The following DNAH5 variants were observed in gnomAD, a reference collection of about 807,000 sequenced individuals.
The protein encoded by DNAH5 is dynein axonemal heavy chain 5, also known as axonemal beta dynein heavy chain 5.
In DNAH5, 372 loss-of-function variants were observed where a neutral mutation model predicts 518.2. That is an observed-to-expected ratio of 0.72 (90% CI 0.66 to 0.78). DNAH5 has a LOEUF of 0.78. DNAH5 is among the 30% of genes least tolerant of loss of function. The pLI is 0.00. For missense variants in DNAH5, 5,523 were observed against 5,687.0 expected (o/e 0.97, Z 0.93); for synonymous variants, 2,039 against 2,025.9 (o/e 1.01, Z -0.17).
Position 13,824,180 on chromosome 5 carries a change from T to C in DNAH5, c.6579+19A>G. The C allele has an allele frequency of 6.2e-7, 1 of 1,613,508 alleles. No individual in the cohort carries two copies. Among genetic ancestry groups the C allele is most frequent in the South Asian group, 1.1e-5 (1 of 91,074 alleles). ...ACTGATATCCAAGTAGGTGGAACAC[T>C]TCCATCTGTGAGTCTTACCAGTTTA... On this transcript the variant is annotated intron_variant, in intron 39 of 78. Transcript: ENST00000265104.
Position 13,917,629 on chromosome 5 carries a change from C to T in DNAH5, c.976-373G>A, listed in dbSNP as rs189276248. Among the ~76,000 whole-genome samples, 93 of 152,300 alleles carry T rather than the reference C, an allele frequency of 6.1e-4. 1 individual carries two copies. Among genetic ancestry groups the T allele is most frequent in the Middle Eastern group, 3.4e-3 (1 of 294 alleles). On this transcript the variant is annotated intron_variant, in intron 7 of 78. Coordinates refer to ENST00000265104, the MANE Select transcript of DNAH5 (RefSeq NM_001369.3). The stretch of plus-strand genomic sequence containing the variant: ...TCTAACCTGAACTCCCTTCCTATAT[C>T]CCTATACATTTATCCATTAATGTAG...
rs1412887466 is a variant in DNAH5 at position 13,858,405 on chromosome 5, C to T, written c.4950+1047G>A. ...GGCACAGGGAGGGGAACATCACACA[C>T]TGGGGCCTGTCAGGGGGTGTGGGGC... On this transcript the variant is annotated intron_variant, in intron 30 of 78. Transcript: ENST00000265104. 2.0e-5 allele frequency among the ~76,000 whole-genome samples: 3 copies of T among 152,044 alleles called. No individual in the cohort carries two copies. The South Asian group carries it at 6.2e-4, about 32-fold the overall frequency.
intron 1 of DNAH5, among the ~76,000 whole-genome samples, chr5:13,989,752 G>A (rs1783378922): frequency 1.3e-5 from 2 of 152,184 alleles, no homozygotes; most frequent in African/African-American, 2.4e-5. Flanking sequence ...CAAAGTGCTC[G>A]GATTACAGTC....
At chr5:13,769,361 A>G (rs1180431094) in intron 57 of DNAH5, 140 bp downstream of exon 57, 1 of 918,308 alleles carries the variant, frequency 1.1e-6, no homozygotes, top group Non-Finnish European at 1.8e-6. Context: ...AGTTTTTTAT[A>G]CATAAAATTA....
At chr5:13,902,688 G>A (rs1227190299) in intron 12 of DNAH5, among the ~76,000 whole-genome samples, 1 of 152,194 alleles carries the variant, frequency 6.6e-6, no homozygotes, top group African/African-American at 2.4e-5. Context: ...GCACTGTCTG[G>A]CTCTTGGACA....
intron 1 of DNAH5, among the ~76,000 whole-genome samples, chr5:13,971,599 T>A (rs1031979186): frequency 1.3e-5 from 2 of 151,964 alleles, no homozygotes; most frequent in African/African-American, 4.8e-5. Context: ...TACTGGGGAG[T>A]GTCTGCAAAG....
intron 74 of DNAH5, 135 bp from the exon 75 acceptor site, chr5:13,714,755 CAAT>C (rs1744065103): frequency 1.2e-6 from 1 of 840,900 alleles, no homozygotes; most frequent in African/African-American, 1.7e-5. Flanking sequence ...GCTACAAACT[CAAT>C]AATTTCTCCA....
rs200963050 is a variant in DNAH5, at chr5:13,793,552, G to A, written c.8187C>T (p.Cys2729=). 8.1e-6 allele frequency: 13 copies of A among 1,614,048 alleles called. No homozygotes were observed. In the Admixed American group the frequency reaches 1.0e-4, roughly 12 times the overall value. The change falls in exon 49 of 79, where the codon TGC becomes TGT. Residue 2729 remains cysteine (C), a synonymous_variant. Coordinates refer to ENST00000265104, the MANE Select transcript of DNAH5 (RefSeq NM_001369.3). ...CCACAGAAGCTTCAGAGGGCAACGT[G>A]CAATTAAATATAGAGAACTGCCTCT... ...RLKRQFSIFN[C]TLPSEASVDK...
chr5:13,961,771 C>T (rs1453149312), intron 1 of DNAH5, among the ~76,000 whole-genome samples: 1 of 152,184 alleles, frequency 6.6e-6, no homozygotes, highest in African/African-American at 2.4e-5. Context: ...CTCCCCCATT[C>T]CTCCTACTAA....
At chr5:13,811,331 C>T (rs1393121602) in intron 44 of DNAH5, among the ~76,000 whole-genome samples, 1 of 152,114 alleles carries the variant, frequency 6.6e-6, no homozygotes, top group African/African-American at 2.4e-5. Flanking sequence ...ACTATGTACC[C>T]ACAAAAATTA....
chr5:13,713,981 T>C (rs1245061628), intron 75 of DNAH5, among the ~76,000 whole-genome samples: 1 of 152,236 alleles, frequency 6.6e-6, no homozygotes, highest in Non-Finnish European at 1.5e-5. Context: ...GAGGTAATGA[T>C]ATAAATGTAG....
intron 31 of DNAH5, among the ~76,000 whole-genome samples, chr5:13,849,762 C>T (rs774981681): frequency 2.6e-5 from 4 of 152,142 alleles, no homozygotes; most frequent in Non-Finnish European, 5.9e-5. Flanking sequence ...ACATTGCTTA[C>T]AAGTACCCTC....
At position 13,809,147 on chromosome 5, in the gene DNAH5, A is replaced by T. The variant is rs371695477; in HGVS notation, c.7649T>A (p.Leu2550Gln). ...CTCTGGGGTGGTATCAGACGGATACAGGTATTCCTGGGTACGCGTGTTCCA... is the reference window on the plus strand; with the variant it reads ...CTCTGGGGTGGTATCAGACGGATACTGGTATTCCTGGGTACGCGTGTTCCA... ...THWNTRTQEYLYPSDTTPEYG... is the reference protein window; with the variant it reads ...THWNTRTQEYQYPSDTTPEYG... Residue 2550 changes from leucine to glutamine, a missense_variant, in exon 46 of 79, where the codon CTG becomes CAG. Physicochemically the swap from Leu to Gln is moderately radical, Grantham distance 113. Coordinates refer to ENST00000265104, the MANE Select transcript of DNAH5 (RefSeq NM_001369.3). The T allele has an allele frequency of 6.8e-6, 11 of 1,614,092 alleles. No individual in the cohort carries two copies. The African/African-American group carries it at 1.1e-4, about 16-fold the overall frequency.
chr5:13,835,773 G>A (rs1439879154), intron 35 of DNAH5, among the ~76,000 whole-genome samples: 3 of 152,002 alleles, frequency 2.0e-5, no homozygotes. Context: ...CTCTGTCTCT[G>A]TACTGGGGAG....
intron 1 of DNAH5, among the ~76,000 whole-genome samples, chr5:13,938,931 C>T (rs565056441): frequency 3.6e-4 from 55 of 152,164 alleles, no homozygotes; most frequent in Non-Finnish European, 7.2e-4. Context: ...AATTATTCAA[C>T]GTGTATGCCT....
At chr5:13,705,627 T>C (rs1202422152) in intron 76 of DNAH5, among the ~76,000 whole-genome samples, 1 of 152,196 alleles carries the variant, frequency 6.6e-6, no homozygotes, top group African/African-American at 2.4e-5. Context: ...CTCAAAACCA[T>C]ACATTGAAGT....
intron 65 of DNAH5, among the ~76,000 whole-genome samples, chr5:13,745,403 C>T (rs1013238684): frequency 1.3e-5 from 2 of 152,062 alleles, no homozygotes; most frequent in Non-Finnish European, 2.9e-5. Context: ...TGTTTTGAAG[C>T]ACACAGAAAG....
At chr5:13,989,126 A>C (rs1451495337) in intron 1 of DNAH5, among the ~76,000 whole-genome samples, 3 of 152,142 alleles carry the variant, frequency 2.0e-5, no homozygotes, top group African/African-American at 4.8e-5. Flanking sequence ...AAGCAGAAAG[A>C]GCCGTGTAGT....
intron 47 of DNAH5, among the ~76,000 whole-genome samples, chr5:13,794,354 T>C (rs1018117515): frequency 6.6e-6 from 1 of 152,258 alleles, no homozygotes; most frequent in Admixed American, 6.5e-5. Flanking sequence ...CTTCTTCTGT[T>C]GGTGACACTA....
Sources: allele counts gnomAD v4.1 joint callset (sites outside exome capture counted in the v4.1 genomes callset), GRCh38; gene constraint gnomAD v4.1.1; transcripts MANE v1.5; gene names NCBI Gene and HGNC (gene_info 2026-07-23, HGNC 2026-07-21).